Variants in JMJD1C observed in about 807,000 individuals in gnomAD.
JMJD1C encodes the protein jumonji domain containing 1C, also known as jumonji domain-containing protein 1C.
Under a neutral mutation model 245.3 loss-of-function variants are expected in JMJD1C, and 31 were observed. The ratio of observed to expected loss-of-function variants is 0.13; its 90% CI spans 0.09 to 0.17. The LOEUF is 0.17. JMJD1C is among the 10% of genes least tolerant of loss of function. The pLI is 1.00. For synonymous variants in JMJD1C, 1,057 were observed against 1,017.4 expected (o/e 1.04, Z -0.74); for missense variants, 2,691 against 3,000.2 (o/e 0.90, Z 2.41).
chr10:63,402,704 TTC>T (rs1363304076), intron 1 of JMJD1C, among the ~76,000 whole-genome samples: 1 of 152,214 alleles, frequency 6.6e-6, no homozygotes, highest in Non-Finnish European at 1.5e-5. Context: ...GAAATTAGAC[TTC>T]TGTTAGATTC....
At chr10:63,427,623 G>GAA (rs1277309191) in intron 1 of JMJD1C, 1 of 1,377,774 alleles carries the variant, frequency 7.3e-7, no homozygotes, top group Non-Finnish European at 1.0e-6. Flanking sequence ...TGGTGGTGGA[G>GAA]AAACAGTGTG....
chr10:63,346,478 T>C (rs1011937783), intron 2 of JMJD1C, among the ~76,000 whole-genome samples: 1 of 152,212 alleles, frequency 6.6e-6, no homozygotes, highest in African/African-American at 2.4e-5. Context: ...TCTGTAACAA[T>C]AGCTAAATCT....
chr10:63,343,775 C>T (rs1252759380), intron 2 of JMJD1C, among the ~76,000 whole-genome samples: 3 of 152,128 alleles, frequency 2.0e-5, no homozygotes, highest in African/African-American at 7.2e-5. Context: ...TAATGGCTCA[C>T]AACTATAATC....
At chr10:63,363,851 TAA>T (rs1491437530) in intron 2 of JMJD1C, among the ~76,000 whole-genome samples, 1 of 140,126 alleles carries the variant, frequency 7.1e-6, no homozygotes, top group South Asian at 2.4e-4. Flanking sequence ...CATGCCTGGC[TAA>T]TTTTTTTTTT....
At chr10:63,304,885 G>C (rs1456298286) in intron 2 of JMJD1C, among the ~76,000 whole-genome samples, 1 of 152,182 alleles carries the variant, frequency 6.6e-6, no homozygotes, top group African/African-American at 2.4e-5. Flanking sequence ...TGTAATTCCA[G>C]TACTTGGGGA....
chr10:63,345,568 TGAAA>T (rs923524053), intron 2 of JMJD1C, among the ~76,000 whole-genome samples: 37 of 150,862 alleles, frequency 2.5e-4, no homozygotes, highest in African/African-American at 8.5e-4. Flanking sequence ...AATTAATGAA[TGAAA>T]GAAAGAAGCC....
rs528486486 is a variant in JMJD1C, at chr10:63,375,960, C to A, written c.333+4358G>T. ...ATCTCTCCTGAAATTCATACAGAAT[C>A]TCAAGGGACCCTGAATAACCAAAAC... On this transcript the variant is annotated intron_variant, in intron 2 of 25. Coordinates refer to ENST00000399262, the MANE Select transcript of JMJD1C (RefSeq NM_032776.3). 2.0e-5 allele frequency among the ~76,000 whole-genome samples: 3 copies of A among 152,212 alleles called. No individual in the cohort carries two copies. The South Asian group carries it at 6.2e-4, about 32-fold the overall frequency.
chr10:63,420,672 C>T (rs560226329), intron 1 of JMJD1C, among the ~76,000 whole-genome samples: 1 of 143,270 alleles, frequency 7.0e-6, no homozygotes, highest in South Asian at 2.3e-4. Context: ...AGGCAATGAG[C>T]CATCTTTGCC....
intron 1 of JMJD1C, among the ~76,000 whole-genome samples, chr10:63,462,871 T>A (rs554969876): frequency 3.3e-5 from 5 of 152,340 alleles, no homozygotes; most frequent in African/African-American, 1.2e-4. Flanking sequence ...CCACCAAGAT[T>A]ACGTTAATTA....
At chr10:63,252,710 T>TA (rs1261723757) in intron 3 of JMJD1C, among the ~76,000 whole-genome samples, 1 of 152,174 alleles carries the variant, frequency 6.6e-6, no homozygotes, top group African/African-American at 2.4e-5. Flanking sequence ...TACAGAACCC[T>TA]AGTCTTCTGA....
chr10:63,341,645 T>C (rs1346639780), intron 2 of JMJD1C, among the ~76,000 whole-genome samples: 1 of 152,250 alleles, frequency 6.6e-6, no homozygotes, highest in Non-Finnish European at 1.5e-5. Context: ...CTGGACAGAA[T>C]GATGACTGCA....
At chr10:63,392,540 C>T (rs1212927614) in intron 1 of JMJD1C, among the ~76,000 whole-genome samples, 1 of 151,846 alleles carries the variant, frequency 6.6e-6, no homozygotes, top group African/African-American at 2.4e-5. Context: ...AAAAAGTGGG[C>T]AAAAGGCCGG....
chr10:63,228,088 G>A (rs1849522201), intron 3 of JMJD1C, among the ~76,000 whole-genome samples: 1 of 152,102 alleles, frequency 6.6e-6, no homozygotes, highest in African/African-American at 2.4e-5. Flanking sequence ...GTATTTTCAT[G>A]AATTATAATA....
chr10:63,208,740 T>C lies in JMJD1C; in HGVS notation c.2929A>G (p.Asn977Asp). ...LRSVASTSAKNDLDLNRSQTG... is the reference protein window; with the variant it reads ...LRSVASTSAKDDLDLNRSQTG... ...TGTGACCTATTTAGATCCAGGTCAT[T>C]TTTGGCTGATGTGGATGCAACAGAC... The change falls in exon 10 of 26, where the codon AAT (asparagine) becomes GAT (aspartate). Residue 977 changes from asparagine to aspartate, a missense_variant. Transcript: ENST00000399262. 1 of 1,613,738 alleles carries C rather than the reference T, an allele frequency of 6.2e-7. No homozygotes were observed. Among genetic ancestry groups the C allele is most frequent in the Non-Finnish European group, 8.5e-7 (1 of 1,179,820 alleles).
intron 1 of JMJD1C, among the ~76,000 whole-genome samples, chr10:63,488,785 T>C (rs1443421084): frequency 6.6e-6 from 1 of 152,230 alleles, no homozygotes; most frequent in Non-Finnish European, 1.5e-5. Context: ...GGGAAATTGA[T>C]AACCTGCAGT....
chr10:63,409,726 C>A (rs1949376167), intron 1 of JMJD1C, among the ~76,000 whole-genome samples: 1 of 152,130 alleles, frequency 6.6e-6, no homozygotes, highest in South Asian at 2.1e-4. Flanking sequence ...TTACAACTGG[C>A]ATGTATCTGT....
intron 1 of JMJD1C, among the ~76,000 whole-genome samples, chr10:63,403,835 C>T (rs1949006935): frequency 2.6e-5 from 4 of 152,184 alleles, no homozygotes; most frequent in Admixed American, 6.5e-5. Flanking sequence ...CTTTGGGAAG[C>T]TGAGGCAGGA....
chr10:63,465,392 G>C (rs1382997570), intron 1 of JMJD1C, 103 bp downstream of exon 1: 1 of 1,231,138 alleles, frequency 8.1e-7, no homozygotes, highest in Non-Finnish European at 1.1e-6. Context: ...GTGACCGCCA[G>C]TTGGCCGGGC....
chr10:63,401,821 T>G (rs1352424811), intron 1 of JMJD1C, among the ~76,000 whole-genome samples: 1 of 152,020 alleles, frequency 6.6e-6, no homozygotes, highest in Non-Finnish European at 1.5e-5. Context: ...AGCCTTCATG[T>G]ATAGAATTAA....
Sources: allele counts gnomAD v4.1 joint callset (sites outside exome capture counted in the v4.1 genomes callset), GRCh38; gene constraint gnomAD v4.1.1; transcripts MANE v1.5; gene names NCBI Gene and HGNC (gene_info 2026-07-23, HGNC 2026-07-21).